The following GRIP1 variants were observed in gnomAD, a reference collection of about 807,000 sequenced individuals.
GRIP1 encodes the protein glutamate receptor interacting protein 1, also known as glutamate receptor-interacting protein 1.
Under a neutral mutation model 129.9 loss-of-function variants are expected in GRIP1, and 45 were observed. That is an observed-to-expected ratio of 0.35 (90% CI 0.27 to 0.44). The LOEUF (loss-of-function observed/expected upper bound fraction) is 0.44, where lower values mean the gene tolerates loss of function less well. GRIP1 is among the 20% of genes least tolerant of loss of function. GRIP1 has a pLI of 1.00. For synonymous variants in GRIP1, 530 were observed against 520.8 expected, an observed-to-expected ratio of 1.02 and a Z score of -0.24; for missense variants, 1,196 against 1,396.8, an observed-to-expected ratio of 0.86 and a Z score of 2.29.
chr12:66,948,469 A>C (rs2041705236), intron 1 of GRIP1, among the ~76,000 whole-genome samples: 1 of 152,224 alleles, frequency 6.6e-6, no homozygotes, highest in African/African-American at 2.4e-5. Flanking sequence ...ATACAAAAAG[A>C]TACTCAAGAT....
intron 24 of GRIP1, among the ~76,000 whole-genome samples, chr12:66,351,837 C>A (rs557503701): frequency 7.9e-5 from 12 of 152,152 alleles, no homozygotes; most frequent in South Asian, 2.1e-4. Flanking sequence ...AAAAACACAC[C>A]GATGCCGTAT....
At chr12:66,735,410 A>G (rs1039396185) in intron 1 of GRIP1, among the ~76,000 whole-genome samples, 1 of 152,198 alleles carries the variant, frequency 6.6e-6, no homozygotes, top group Non-Finnish European at 1.5e-5. Context: ...TCACTAAAAG[A>G]GACTGTGAAG....
At chr12:66,777,622 C>T (rs556089369) in intron 1 of GRIP1, among the ~76,000 whole-genome samples, 26 of 152,192 alleles carry the variant, frequency 1.7e-4, no homozygotes, top group African/African-American at 6.3e-4. Flanking sequence ...GTAACCAAGT[C>T]CCAAGAAAAG....
chr12:66,714,856 A>G (rs2035822007), intron 1 of GRIP1, among the ~76,000 whole-genome samples: 2 of 149,916 alleles, frequency 1.3e-5, no homozygotes, highest in South Asian at 2.1e-4. Flanking sequence ...CCACCCCCCT[A>G]CCAACTCACC....
chr12:66,463,209 GA>G, intron 8 of GRIP1, 116 bp from the exon 9 acceptor site: 1 of 941,736 alleles, frequency 1.1e-6, no homozygotes, highest in East Asian at 2.6e-5. Context: ...TAAAAGAAAA[GA>G]AAAGTTTGAG....
At chr12:66,631,603 TTCTCTCTTTCTCTC>T (rs2030789292) in intron 1 of GRIP1, among the ~76,000 whole-genome samples, 1 of 144,322 alleles carries the variant, frequency 6.9e-6, no homozygotes, top group Admixed American at 7.0e-5. Flanking sequence ...GATGCGAGAT[TTCTCTCTTTCTCTC>T]TCTCTCTTTT....
At chr12:66,780,704 G>T (rs1475463561) in intron 1 of GRIP1, among the ~76,000 whole-genome samples, 1 of 152,068 alleles carries the variant, frequency 6.6e-6, no homozygotes, top group Non-Finnish European at 1.5e-5. Flanking sequence ...CTGAATTTTG[G>T]GACTTGATCA....
chr12:66,747,376 A>C (rs1252258135), intron 1 of GRIP1, among the ~76,000 whole-genome samples: 7 of 152,210 alleles, frequency 4.6e-5, no homozygotes, highest in Non-Finnish European at 1.0e-4. Flanking sequence ...CATGAAAAGA[A>C]TATCTTTCAG....
chr12:66,417,530 A>G (rs892109610), intron 15 of GRIP1, among the ~76,000 whole-genome samples: 10 of 152,304 alleles, frequency 6.6e-5, no homozygotes, highest in South Asian at 4.1e-4. Flanking sequence ...ATGATCTTAT[A>G]TTTGGAAAAA....
At chr12:66,967,244 T>C (rs1449592509) in intron 1 of GRIP1, among the ~76,000 whole-genome samples, 2 of 152,214 alleles carry the variant, frequency 1.3e-5, no homozygotes, top group African/African-American at 2.4e-5. Context: ...TTGATACATG[T>C]ATACATTGTG....
chr12:66,503,101 T>G (rs2060435490), intron 7 of GRIP1, among the ~76,000 whole-genome samples: 2 of 152,006 alleles, frequency 1.3e-5, no homozygotes, highest in Admixed American at 6.6e-5. Context: ...CTCCTGACGG[T>G]CCACAGCTGT....
chr12:66,373,181 C>G (rs540283314), intron 22 of GRIP1, among the ~76,000 whole-genome samples: 69 of 152,260 alleles, frequency 4.5e-4, no homozygotes, highest in Non-Finnish European at 8.4e-4. Context: ...CCTCTGCCTT[C>G]TTTGTTCAAG....
intron 1 of GRIP1, among the ~76,000 whole-genome samples, chr12:66,909,740 T>C (rs2040997744): frequency 6.6e-6 from 1 of 152,204 alleles, no homozygotes; most frequent in Admixed American, 6.5e-5. Context: ...TGGCTCCTTT[T>C]CTTTCTCTTT....
chr12:66,926,647 A>G (rs1290945942), intron 1 of GRIP1, among the ~76,000 whole-genome samples: 1 of 152,222 alleles, frequency 6.6e-6, no homozygotes, highest in African/African-American at 2.4e-5. Context: ...TTCAATTTGC[A>G]TATTTGGTTA....
At chr12:67,056,776 CT>C (rs2135871348) in intron 1 of GRIP1, among the ~76,000 whole-genome samples, 1 of 152,160 alleles carries the variant, frequency 6.6e-6, no homozygotes, top group East Asian at 1.9e-4. Context: ...AATAATCTTC[CT>C]GTTATGGACT....
chr12:66,735,836 C>T (rs2036578346), intron 1 of GRIP1, among the ~76,000 whole-genome samples: 1 of 152,164 alleles, frequency 6.6e-6, no homozygotes, highest in African/African-American at 2.4e-5. Context: ...TAATCATTTT[C>T]AGCCTGACTC....
At chr12:66,708,398 G>A (rs780199525) in intron 1 of GRIP1, among the ~76,000 whole-genome samples, 4 of 151,860 alleles carry the variant, frequency 2.6e-5, no homozygotes, top group East Asian at 3.9e-4. Flanking sequence ...TGTCTTTAAG[G>A]CTGTTAATTC....
At chr12:66,762,268 T>C (rs2037499396) in intron 1 of GRIP1, among the ~76,000 whole-genome samples, 1 of 152,168 alleles carries the variant, frequency 6.6e-6, no homozygotes, top group Non-Finnish European at 1.5e-5. Context: ...AAGGAGATTC[T>C]AGACTGAAGG....
At chr12:66,903,503 T>G (rs756175265) in intron 1 of GRIP1, among the ~76,000 whole-genome samples, 5 of 151,914 alleles carry the variant, frequency 3.3e-5, no homozygotes, top group Non-Finnish European at 7.4e-5. Flanking sequence ...GATAAATTAT[T>G]TTTTAAAGAA....
Sources: gnomAD v4.1 joint callset for allele counts (sites outside exome capture counted in the v4.1 genomes callset) on GRCh38, gnomAD v4.1.1 for gene constraint, MANE v1.5 for transcripts, NCBI Gene and HGNC (gene_info 2026-07-23, HGNC 2026-07-21) for gene names.